UCK2: variants seen among roughly 807,000 people sequenced by gnomAD.
UCK2 encodes the protein uridine-cytidine kinase 2.
UCK2 carries 6 observed loss-of-function variants against 30.8 expected under a neutral mutation model. That is an observed-to-expected ratio of 0.19 (90% confidence interval 0.11 to 0.38). The LOEUF is 0.38. Ranked by LOEUF, UCK2 falls within the 10% of genes least tolerant of loss-of-function variation. UCK2 has a pLI of 1.00. For missense variants in UCK2, 210 were observed against 339.8 expected (o/e 0.62, Z 3.00); for synonymous variants, 125 against 133.6 (o/e 0.94, Z 0.45).
chr1:165,854,790 T>A (rs1298352728), intron 1 of UCK2, among the ~76,000 whole-genome samples: 1 of 152,128 alleles, frequency 6.6e-6, no homozygotes, highest in Non-Finnish European at 1.5e-5. Flanking sequence ...TCACCATATC[T>A]TTTCTAGTCC....
At chr1:165,875,202 A>G (rs1172987312) in intron 1 of UCK2, among the ~76,000 whole-genome samples, 6 of 152,180 alleles carry the variant, frequency 3.9e-5, no homozygotes, top group African/African-American at 9.7e-5. Context: ...CCATTTGTGG[A>G]ACAGGTATGG....
chr1:165,827,681 C>T lies in UCK2; in HGVS notation c.-153C>T. On this transcript the variant is annotated 5_prime_UTR_variant, in exon 1 of 7. Transcript: ENST00000367879. The stretch of plus-strand genomic sequence containing the variant: ...TCCTTCGGGAAACCCAGCCCCGTCA[C>T]CGGGCTCCGAGCGGCTCGCAGGCGA... 1.7e-6 allele frequency: 1 copy of T among 587,932 alleles called. No individual in the cohort carries two copies. The highest frequency in any genetic ancestry group is 2.5e-6 in the Non-Finnish European group (1 of 396,198). 36.4% of individuals were successfully genotyped at this position (587,932 alleles called of 1,614,324 possible).
rs1369213749 is a variant in UCK2, at chr1:165,890,455, G to A, written c.259+92G>A. 11 of 1,311,624 alleles carry A rather than the reference G, an allele frequency of 8.4e-6. No individual in the cohort carries two copies. The East Asian group carries it at 1.2e-4, about 15-fold the overall frequency. 81.2% of individuals were successfully genotyped at this position (1,311,624 alleles called of 1,614,324 possible). A position where few individuals can be genotyped will look rare whatever the true frequency, so the allele number is the denominator to read the frequency against. ...TCATGAGGAAGTTGCTTAACCTCTC[G>A]GAATCTTGTTTCTATCTAGAACGTA... On this transcript the variant is annotated intron_variant, in intron 2 of 6. Coordinates refer to ENST00000367879, the MANE Select transcript of UCK2 (RefSeq NM_012474.5).
chr1:165,896,139 C>G, intron 3 of UCK2, 51 bp from the exon 4 acceptor site: 2 of 1,609,474 alleles, frequency 1.2e-6, no homozygotes, highest in Non-Finnish European at 1.7e-6. Flanking sequence ...GTTCTCTGTC[C>G]CTTGCTAGCC....
In UCK2 at chr1:165,910,104, A is replaced by G. The variant is rs1412030638; in HGVS notation, c.*2281A>G. 6.6e-6 allele frequency: 1 copy of G among 151,866 alleles called. No individual in the cohort carries two copies. Among genetic ancestry groups the G allele is most frequent in the Non-Finnish European group, 1.5e-5 (1 of 67,998 alleles). 9.4% of individuals were successfully genotyped at this position (151,866 alleles called of 1,614,324 possible). A position where few individuals can be genotyped will look rare whatever the true frequency, so the allele number is the denominator to read the frequency against. ...CCCTGCCCCTTGTCAAATGATCACCAATTCTTGGTGGCTTGGCTGGGGACA... is the reference window on the plus strand; with the variant it reads ...CCCTGCCCCTTGTCAAATGATCACCGATTCTTGGTGGCTTGGCTGGGGACA... On this transcript the variant is annotated 3_prime_UTR_variant, in exon 7 of 7. Transcript: ENST00000367879.
chr1:165,904,912 C>T lies in UCK2; in HGVS notation c.598-1009C>T, dbSNP rs140806830. On this transcript the variant is annotated intron_variant, in intron 5 of 6. Coordinates refer to ENST00000367879, the MANE Select transcript of UCK2 (RefSeq NM_012474.5). ...AGAAAAAGAAAAAAGAAATATGCCT[C>T]TTTGTGGCCTGACTTTCTTTCTTTA... 3.9e-5 allele frequency among the ~76,000 whole-genome samples: 6 copies of T among 152,326 alleles called. No individual in the cohort carries two copies. In the East Asian group the frequency reaches 9.6e-4, roughly 24 times the overall value.
intron 1 of UCK2, among the ~76,000 whole-genome samples, chr1:165,865,826 A>C (rs1454256093): frequency 6.6e-6 from 1 of 152,126 alleles, no homozygotes; most frequent in Non-Finnish European, 1.5e-5. Context: ...ACAGAAGAAC[A>C]CTCGCACAAT....
At chr1:165,867,578 A>G (rs570172129) in intron 1 of UCK2, among the ~76,000 whole-genome samples, 18 of 152,380 alleles carry the variant, frequency 1.2e-4, no homozygotes, top group African/African-American at 4.3e-4. Flanking sequence ...CAGCATTTTC[A>G]GCATTAGATT....
intron 6 of UCK2, among the ~76,000 whole-genome samples, chr1:165,907,175 T>C (rs1647693031): frequency 6.6e-6 from 1 of 152,232 alleles, no homozygotes; most frequent in South Asian, 2.1e-4. Flanking sequence ...TTTGGTGATG[T>C]TAAATTGACC....
At chr1:165,856,686 G>T (rs1255360150) in intron 1 of UCK2, among the ~76,000 whole-genome samples, 1 of 152,128 alleles carries the variant, frequency 6.6e-6, no homozygotes, top group African/African-American at 2.4e-5. Flanking sequence ...CTTATGGTTA[G>T]TTTTCCAGGA....
At chr1:165,890,685 A>G (rs1051015105) in intron 2 of UCK2, 4 of 314,704 alleles carry the variant, frequency 1.3e-5, no homozygotes, top group African/African-American at 6.3e-5. Flanking sequence ...GATCTGAGGC[A>G]GCCCTCGTCA....
chr1:165,837,384 G>A (rs1179100984), intron 1 of UCK2, among the ~76,000 whole-genome samples: 1 of 152,190 alleles, frequency 6.6e-6, no homozygotes, highest in Non-Finnish European at 1.5e-5. Flanking sequence ...GTAAGTGGTA[G>A]TCATTTGTAA....
chr1:165,902,615 T>TTTTTTTTTTTG (rs1647517928), intron 4 of UCK2: 1 of 140,238 alleles, frequency 7.1e-6, no homozygotes, highest in Non-Finnish European at 1.5e-5. Flanking sequence ...TTTTTTTTTT[T>TTTTTTTTTTTG]TTTTGGCAAA....
At position 165,854,881 on chromosome 1, in the gene UCK2, C is replaced by G. The variant is rs144025368; in HGVS notation, c.99+26949C>G. ...CTGTTTTTCCTGCCAATCCCCAACTCGTACAGAACCCTACTGTAGGAGAAC... is the reference window on the plus strand; with the variant it reads ...CTGTTTTTCCTGCCAATCCCCAACTGGTACAGAACCCTACTGTAGGAGAAC... On this transcript the variant is annotated intron_variant, in intron 1 of 6. Coordinates refer to ENST00000367879, the MANE Select transcript of UCK2 (RefSeq NM_012474.5). 4.7e-4 allele frequency among the ~76,000 whole-genome samples: 71 copies of G among 152,244 alleles called. No homozygotes were observed. The East Asian group carries it at 0.012, about 26-fold the overall frequency.
At chr1:165,855,440 A>G (rs1654720251) in intron 1 of UCK2, among the ~76,000 whole-genome samples, 2 of 151,972 alleles carry the variant, frequency 1.3e-5, no homozygotes, top group Non-Finnish European at 2.9e-5. Context: ...CAATGGGCCC[A>G]GAATCCATCG....
intron 1 of UCK2, among the ~76,000 whole-genome samples, chr1:165,882,754 A>G (rs1655528652): frequency 6.6e-6 from 1 of 152,174 alleles, no homozygotes; most frequent in South Asian, 2.1e-4. Flanking sequence ...TTCTAGTACA[A>G]TCACATCAGC....
At chr1:165,882,775 C>G (rs181062172) in intron 1 of UCK2, among the ~76,000 whole-genome samples, 164 of 152,300 alleles carry the variant, frequency 1.1e-3, no homozygotes, top group African/African-American at 3.9e-3. Flanking sequence ...AGTTAAGTTT[C>G]AGCATTTCAG....
intron 1 of UCK2, among the ~76,000 whole-genome samples, chr1:165,837,913 C>G (rs559858671): frequency 6.6e-6 from 1 of 152,302 alleles, no homozygotes; most frequent in East Asian, 1.9e-4. Flanking sequence ...TCTAGTTGCT[C>G]AGGCCTAAAA....
At chr1:165,837,222 A>G (rs943078467) in intron 1 of UCK2, among the ~76,000 whole-genome samples, 10 of 152,166 alleles carry the variant, frequency 6.6e-5, no homozygotes, top group African/African-American at 2.2e-4. Context: ...GTTCCAGCCC[A>G]CTGTTGCCAC....
Sources: allele counts gnomAD v4.1 joint callset (sites outside exome capture counted in the v4.1 genomes callset), GRCh38; gene constraint gnomAD v4.1.1; transcripts MANE v1.5; gene names NCBI Gene and HGNC (gene_info 2026-07-23, HGNC 2026-07-21).